ATP11B: variants seen among roughly 807,000 people sequenced by gnomAD.
ATP11B encodes phospholipid-transporting ATPase IF.
Under a neutral mutation model 157.8 loss-of-function variants are expected in ATP11B, and 81 were observed. The ratio of observed to expected loss-of-function variants is 0.51; its 90% CI spans 0.43 to 0.62. ATP11B has a LOEUF of 0.62. Ranked by LOEUF, ATP11B falls within the 20% of genes least tolerant of loss-of-function variation. The pLI is 0.00. For synonymous variants in ATP11B, 451 were observed against 469.4 expected, an observed-to-expected ratio of 0.96 and a Z score of 0.51; for missense variants, 1,165 against 1,402.2, an observed-to-expected ratio of 0.83 and a Z score of 2.70.
At chr3:182,854,641 A>C (rs1720233692) in intron 10 of ATP11B, among the ~76,000 whole-genome samples, 1 of 152,182 alleles carries the variant, frequency 6.6e-6, no homozygotes, top group Admixed American at 6.6e-5. Context: ...CATCAGGCTA[A>C]ACATTTAAAG....
At chr3:182,874,057 C>T in intron 19 of ATP11B, 42 bp downstream of exon 19, 1 of 1,564,310 alleles carries the variant, frequency 6.4e-7, no homozygotes, top group South Asian at 1.1e-5. Context: ...CAGGGGTTAG[C>T]AAACTATGGT....
chr3:182,840,082 C>T (rs370129165), intron 7 of ATP11B, among the ~76,000 whole-genome samples: 48 of 152,146 alleles, frequency 3.2e-4, no homozygotes, highest in African/African-American at 1.1e-3. Context: ...AACCATTCCC[C>T]AACCTTTCCA....
intron 10 of ATP11B, 23 bp from the exon 11 acceptor site, chr3:182,857,854 TA>T: frequency 1.4e-6 from 2 of 1,408,578 alleles, no homozygotes; most frequent in Non-Finnish European, 2.0e-6. Flanking sequence ...TTGTATGTTT[TA>T]TATTCTCTTT....
At chr3:182,827,003 C>T (rs975180188) in intron 2 of ATP11B, among the ~76,000 whole-genome samples, 10 of 152,236 alleles carry the variant, frequency 6.6e-5, no homozygotes, top group African/African-American at 2.2e-4. Context: ...AACCCGTTGT[C>T]AACCATATTT....
At chr3:182,801,337 A>G (rs1488709035) in intron 1 of ATP11B, among the ~76,000 whole-genome samples, 1 of 152,242 alleles carries the variant, frequency 6.6e-6, no homozygotes, top group Non-Finnish European at 1.5e-5. Flanking sequence ...TCAATCATTC[A>G]TTCATTCACG....
chr3:182,859,940 C>T (rs1262413178), intron 12 of ATP11B, among the ~76,000 whole-genome samples: 1 of 118,746 alleles, frequency 8.4e-6, no homozygotes, highest in African/African-American at 3.0e-5. Context: ...TTCTTCCTCC[C>T]TGCCTTCCTT....
At chr3:182,890,425 A>C (rs1723098510) in intron 25 of ATP11B, among the ~76,000 whole-genome samples, 3 of 151,280 alleles carry the variant, frequency 2.0e-5, no homozygotes. Context: ...GCTATTCCCA[A>C]GTACTATACT....
In ATP11B at chr3:182,842,088, A is replaced by G. The variant is rs761846502; in HGVS notation, c.670A>G (p.Met224Val). 6.2e-7 allele frequency: 1 copy of G among 1,605,410 alleles called. No individual in the cohort carries two copies. The highest frequency in any genetic ancestry group is 8.5e-7 in the Non-Finnish European group (1 of 1,172,850). ...EADLYRFMGR[M>V]IITQQMEEIV... ...ATTTTTTGATAGATTCATGGGACGA[A>G]TGATCATAACCCAACAAATGGAAGA... Residue 224 changes from methionine to valine, a missense_variant, in exon 8 of 30, where the codon ATG (methionine) becomes GTG (valine). Physicochemically the swap from Met to Val is conservative, Grantham distance 21. Transcript: ENST00000323116.
intron 1 of ATP11B, among the ~76,000 whole-genome samples, chr3:182,801,047 C>T (rs1370276703): frequency 6.6e-6 from 1 of 152,302 alleles, no homozygotes; most frequent in East Asian, 1.9e-4. Flanking sequence ...GATGATCAAT[C>T]CACTTCGGCC....
intron 28 of ATP11B, chr3:182,908,375 C>A (rs1468651854): frequency 6.6e-6 from 1 of 151,488 alleles, no homozygotes; most frequent in African/African-American, 2.4e-5. Flanking sequence ...TTTGTATATT[C>A]AGTAGAGACA....
rs569262574 is a variant in ATP11B at position 182,895,573 on chromosome 3, A to G, written c.2983-1127A>G. On this transcript the variant is annotated intron_variant, in intron 25 of 29. Coordinates refer to ENST00000323116, the MANE Select transcript of ATP11B (RefSeq NM_014616.3). The stretch of plus-strand genomic sequence containing the variant: ...GGCTTTTTATTAATTTTTTTGAACC[A>G]GTGTTAAGATAATGATTGTTAGGTT... Among the ~76,000 whole-genome samples the G allele has an allele frequency of 6.6e-5, 10 of 152,310 alleles. No homozygotes were observed. The East Asian group carries it at 1.7e-3, about 26-fold the overall frequency.
intron 11 of ATP11B, 131 bp from the exon 12 acceptor site, chr3:182,859,031 T>G: frequency 9.0e-5 from 49 of 544,134 alleles, no homozygotes; most frequent in Non-Finnish European, 1.1e-4. Flanking sequence ...TTTCAATTCA[T>G]GAGACTATTC....
At chr3:182,839,673 G>A (rs1158229998) in intron 7 of ATP11B, among the ~76,000 whole-genome samples, 1 of 150,526 alleles carries the variant, frequency 6.6e-6, no homozygotes, top group Non-Finnish European at 1.5e-5. Flanking sequence ...GCAGTGACGC[G>A]ATCTTAGCTC....
At chr3:182,898,046 A>G (rs533743993) in intron 27 of ATP11B, among the ~76,000 whole-genome samples, 2 of 152,172 alleles carry the variant, frequency 1.3e-5, no homozygotes, top group Admixed American at 1.3e-4. Context: ...GGCCAAAAAA[A>G]TTTGGATTAG....
intron 7 of ATP11B, among the ~76,000 whole-genome samples, chr3:182,839,077 T>G (rs559314641): frequency 4.6e-4 from 70 of 152,232 alleles, no homozygotes; most frequent in African/African-American, 1.7e-3. Flanking sequence ...GAGGTACATA[T>G]ACACCACAGA....
intron 7 of ATP11B, among the ~76,000 whole-genome samples, chr3:182,841,076 C>T (rs976592348): frequency 3.9e-5 from 6 of 152,080 alleles, no homozygotes; most frequent in Admixed American, 1.3e-4. Context: ...CTTAGTTTTC[C>T]TTGAACATAC....
In ATP11B at chr3:182,919,075, T is replaced by C. The variant is rs1725308701; in HGVS notation, c.*971T>C. 1 of 152,188 alleles carries C rather than the reference T, an allele frequency of 6.6e-6. No individual in the cohort carries two copies. The highest frequency in any genetic ancestry group is 2.4e-5 in the African/African-American group (1 of 41,450). 9.4% of individuals were successfully genotyped at this position (152,188 alleles called of 1,614,324 possible). On this transcript the variant is annotated 3_prime_UTR_variant, in exon 30 of 30. Coordinates refer to ENST00000323116, the MANE Select transcript of ATP11B (RefSeq NM_014616.3). ...GGACAGTATTTAAATATTGCAAATA[T>C]GTTTAATTATACAAATCAGAATAGT...
intron 14 of ATP11B, 56 bp downstream of exon 14, chr3:182,866,499 A>G (rs1272737535): frequency 7.5e-7 from 1 of 1,338,776 alleles, no homozygotes; most frequent in African/African-American, 1.5e-5. Flanking sequence ...TAAATGTAAC[A>G]ATATTAGAAT....
intron 19 of ATP11B, among the ~76,000 whole-genome samples, chr3:182,875,435 T>C (rs1409532356): frequency 6.6e-6 from 1 of 152,120 alleles, no homozygotes; most frequent in African/African-American, 2.4e-5. Context: ...TGTTGTTTTG[T>C]TGTTGTTGTT....
Sources: gnomAD v4.1 joint callset for allele counts (sites outside exome capture counted in the v4.1 genomes callset) on GRCh38, gnomAD v4.1.1 for gene constraint, MANE v1.5 for transcripts, NCBI Gene and HGNC (gene_info 2026-07-23, HGNC 2026-07-21) for gene names.